Variants in RBFOX1 observed in about 807,000 individuals in gnomAD.
The protein encoded by RBFOX1 is RNA binding protein fox-1 homolog 1.
A neutral mutation model predicts 57.7 loss-of-function variants in RBFOX1; 8 were observed. That is an observed-to-expected ratio of 0.14 (90% CI 0.08 to 0.25). The LOEUF is 0.25. RBFOX1 is among the 10% of genes least tolerant of loss of function. RBFOX1 has a pLI of 1.00. For missense variants in RBFOX1, 611 were observed against 548.5 expected, an observed-to-expected ratio of 1.11 and a Z score of -1.14; for synonymous variants, 326 against 222.4, an observed-to-expected ratio of 1.47 and a Z score of -4.15.
At chr16:6,876,154 G>A (rs1415844987) in intron 3 of RBFOX1, among the ~76,000 whole-genome samples, 1 of 151,924 alleles carries the variant, frequency 6.6e-6, no homozygotes, top group Non-Finnish European at 1.5e-5. Context: ...TTGCACTCCA[G>A]CCTGGGCAAC....
chr16:5,693,112 C>T (rs983069068), intron 3 of RBFOX1, among the ~76,000 whole-genome samples: 4 of 152,128 alleles, frequency 2.6e-5, no homozygotes, highest in Non-Finnish European at 5.9e-5. Flanking sequence ...AGTGGACAGA[C>T]GTGGGTGTGA....
rs942516438 is a variant in RBFOX1, at chr16:7,070,825, T to A, written c.27+18727T>A. ...ATTCAGGTGGTGCGGATTGGGAAAC[T>A]GGAACCTAACTGCACAGACACCAAA... is the stretch of plus-strand genomic sequence containing the variant. On this transcript the variant is annotated intron_variant, in intron 4 of 15. Transcript: ENST00000550418. 2.6e-5 allele frequency among the ~76,000 whole-genome samples: 4 copies of A among 152,192 alleles called. No individual in the cohort carries two copies. The South Asian group carries it at 8.3e-4, about 31-fold the overall frequency.
intron 4 of RBFOX1, among the ~76,000 whole-genome samples, chr16:7,341,777 T>TC: frequency 2.3e-4 from 4 of 17,134 alleles, no homozygotes; most frequent in East Asian, 2.2e-3. Context: ...CCTCCCTCCC[T>TC]CCTTCCTTCC....
chr16:7,481,910 C>A (rs2064045115), intron 4 of RBFOX1, among the ~76,000 whole-genome samples: 1 of 152,198 alleles, frequency 6.6e-6, no homozygotes, highest in East Asian at 1.9e-4. Context: ...TTGAATATCT[C>A]ATGTAATAAT....
intron 2 of RBFOX1, among the ~76,000 whole-genome samples, chr16:5,549,883 T>C (rs145949999): frequency 9.9e-5 from 15 of 152,204 alleles, no homozygotes; most frequent in African/African-American, 3.6e-4. Context: ...CAGGCCCAGG[T>C]GTGGATGAGT....
In RBFOX1 at chr16:6,809,938, C is replaced by T. The variant is rs187300456; in HGVS notation, c.-16+155288C>T. ...ATAAACACCACCAAGATGAGCCTAC[C>T]CGCTTGTCCTGAGTTGAGATTGATA... On this transcript the variant is annotated intron_variant, in intron 3 of 15. Transcript: ENST00000550418. 2.0e-5 allele frequency among the ~76,000 whole-genome samples: 3 copies of T among 152,014 alleles called. No individual in the cohort carries two copies. In the East Asian group the frequency reaches 5.8e-4, roughly 29 times the overall value.
chr16:6,348,004 G>A (rs1016308389), intron 2 of RBFOX1, among the ~76,000 whole-genome samples: 1 of 152,198 alleles, frequency 6.6e-6, no homozygotes, highest in African/African-American at 2.4e-5. Context: ...GCGTGAAAGT[G>A]GGTGGTGGAA....
At chr16:7,402,339 C>G (rs554422350) in intron 4 of RBFOX1, among the ~76,000 whole-genome samples, 1 of 152,308 alleles carries the variant, frequency 6.6e-6, no homozygotes, top group East Asian at 1.9e-4. Flanking sequence ...AAGTATGTTC[C>G]TGAACTCCAT....
At chr16:6,492,841 C>G (rs1567425773) in intron 2 of RBFOX1, among the ~76,000 whole-genome samples, 1 of 152,118 alleles carries the variant, frequency 6.6e-6, no homozygotes, top group African/African-American at 2.4e-5. Context: ...ACTCAGAAAT[C>G]TGTTTGAAAA....
chr16:7,484,641 T>G lies in RBFOX1; in HGVS notation c.28-33506T>G, dbSNP rs146959346. Among the ~76,000 whole-genome samples, 1,273 of 152,210 alleles carry G rather than the reference T, an allele frequency of 8.4e-3. 20 individuals are homozygous for G. Among genetic ancestry groups the G allele is most frequent in the African/African-American group, 0.03 (1,242 of 41,512 alleles). Reference sequence around the variant, plus strand: ...CCAGAGCTGGCTAATTTTTTGTATTTTTAGTAGAGACAAGGTTTCACCATG... The same window carrying G: ...CCAGAGCTGGCTAATTTTTTGTATTGTTAGTAGAGACAAGGTTTCACCATG... On this transcript the variant is annotated intron_variant, in intron 4 of 15. Transcript: ENST00000550418.
chr16:6,015,786 CCATATCTGG>C (rs2094990093), upstream of RBFOX1, among the ~76,000 whole-genome samples: 4 of 152,220 alleles, frequency 2.6e-5, no homozygotes. Flanking sequence ...TGCCCTTCTG[CCATATCTGG>C]CTATAGGCTC....
chr16:7,475,477 G>A (rs2062467796), intron 4 of RBFOX1, among the ~76,000 whole-genome samples: 1 of 152,046 alleles, frequency 6.6e-6, no homozygotes, highest in Admixed American at 6.6e-5. Flanking sequence ...ACCACACCTG[G>A]CTAACTTTTT....
chr16:6,763,911 G>C (rs7191315), intron 3 of RBFOX1, among the ~76,000 whole-genome samples: 1 of 152,050 alleles, frequency 6.6e-6, no homozygotes, highest in East Asian at 1.9e-4. Flanking sequence ...TGTGCTTAGC[G>C]TTTGTATATG....
At chr16:7,021,146 T>G (rs945615701) in intron 3 of RBFOX1, among the ~76,000 whole-genome samples, 5 of 151,940 alleles carry the variant, frequency 3.3e-5, no homozygotes, top group Admixed American at 1.3e-4. Context: ...TGTTTTTTGT[T>G]GAATAAATGA....
chr16:6,389,848 C>A (rs1467841632), intron 2 of RBFOX1, among the ~76,000 whole-genome samples: 1 of 152,104 alleles, frequency 6.6e-6, no homozygotes, highest in Non-Finnish European at 1.5e-5. Context: ...TGCTGTCTTC[C>A]CAGTATTTGG....
intron 3 of RBFOX1, among the ~76,000 whole-genome samples, chr16:6,858,327 G>C (rs2058288868): frequency 1.3e-5 from 2 of 152,128 alleles, no homozygotes; most frequent in South Asian, 2.1e-4. Flanking sequence ...ATCTAGCTTA[G>C]GATTTTCATC....
chr16:7,636,886 C>T (rs1484104493), intron 11 of RBFOX1, among the ~76,000 whole-genome samples: 3 of 152,040 alleles, frequency 2.0e-5, no homozygotes, highest in Non-Finnish European at 4.4e-5. Flanking sequence ...GGTGTCTCTT[C>T]ATATAAGGGC....
intron 4 of RBFOX1, among the ~76,000 whole-genome samples, chr16:7,209,804 A>G (rs1164918316): frequency 6.6e-6 from 1 of 152,262 alleles, no homozygotes; most frequent in East Asian, 1.9e-4. Context: ...TGTTGAATGA[A>G]TGGATGATGC....
intron 2 of RBFOX1, among the ~76,000 whole-genome samples, chr16:6,461,972 G>A (rs543772123): frequency 2.0e-5 from 3 of 152,192 alleles, no homozygotes; most frequent in Middle Eastern, 3.4e-3. Flanking sequence ...TATGTTGAAT[G>A]TTTCACACGA....
Sources: allele counts gnomAD v4.1 joint callset (sites outside exome capture counted in the v4.1 genomes callset), GRCh38; gene constraint gnomAD v4.1.1; transcripts MANE v1.5; gene names NCBI Gene and HGNC (gene_info 2026-07-23, HGNC 2026-07-21).